The following DNAH8 variants were observed in gnomAD, a reference collection of about 807,000 sequenced individuals.
DNAH8 encodes the protein dynein axonemal heavy chain 8.
In DNAH8, 382 loss-of-function variants were observed where a neutral mutation model predicts 562.1. The ratio of observed to expected loss-of-function variants is 0.68; its 90% CI spans 0.63 to 0.74. The LOEUF (loss-of-function observed/expected upper bound fraction) is 0.74, where lower values mean the gene tolerates loss of function less well. DNAH8 is among the 30% of genes least tolerant of loss of function. DNAH8 has a pLI of 0.00. For missense variants in DNAH8, 5,203 were observed against 5,620.4 expected, an observed-to-expected ratio of 0.93 and a Z score of 2.37; for synonymous variants, 1,881 against 1,919.4, an observed-to-expected ratio of 0.98 and a Z score of 0.52.
chr6:38,985,683 C>G (rs1764337121), intron 87 of DNAH8, among the ~76,000 whole-genome samples: 1 of 152,126 alleles, frequency 6.6e-6, no homozygotes, highest in South Asian at 2.1e-4. Flanking sequence ...TAGAAAGAGT[C>G]CACAAATGGA....
chr6:38,722,564 A>G (rs1762836386), intron 1 of DNAH8, among the ~76,000 whole-genome samples: 1 of 144,454 alleles, frequency 6.9e-6, no homozygotes. Context: ...AAGTCTGAAA[A>G]AGCTCCCAGG....
intron 1 of DNAH8, among the ~76,000 whole-genome samples, 169 bp downstream of exon 1, chr6:38,715,584 C>G (rs889240460): frequency 1.3e-5 from 2 of 152,188 alleles, no homozygotes; most frequent in Admixed American, 1.3e-4. Context: ...CTTCAAAACC[C>G]CAGCTGAGTC....
At chr6:38,795,253 T>C (rs1223091397) in intron 21 of DNAH8, among the ~76,000 whole-genome samples, 1 of 152,200 alleles carries the variant, frequency 6.6e-6, no homozygotes, top group Non-Finnish European at 1.5e-5. Context: ...CTACCAATTA[T>C]ACAGTAATTC....
chr6:38,887,467 A>T (rs1030906063), intron 57 of DNAH8, among the ~76,000 whole-genome samples: 1 of 152,222 alleles, frequency 6.6e-6, no homozygotes. Context: ...AGCACTTTGG[A>T]AGACCAAGGT....
chr6:38,842,637 AT>A (rs755719553), intron 34 of DNAH8, 25 bp from the exon 35 acceptor site: 15 of 1,602,496 alleles, frequency 9.4e-6, no homozygotes, highest in African/African-American at 4.0e-5. Flanking sequence ...AAGGTGGCAT[AT>A]TTTTTTTCTC....
intron 63 of DNAH8, 121 bp downstream of exon 63, chr6:38,906,528 T>A: frequency 1.3e-6 from 1 of 776,908 alleles, no homozygotes; most frequent in Non-Finnish European, 1.9e-6. Flanking sequence ...TAGACATGGT[T>A]AATGTACGAG....
intron 79 of DNAH8, among the ~76,000 whole-genome samples, chr6:38,942,362 C>T (rs1783532995): frequency 6.6e-6 from 1 of 152,042 alleles, no homozygotes; most frequent in Non-Finnish European, 1.5e-5. Flanking sequence ...AAACCTGGTG[C>T]CTGGGTCCAC....
chr6:38,791,443 A>G, intron 20 of DNAH8, 112 bp from the exon 21 acceptor site: 1 of 1,289,870 alleles, frequency 7.8e-7, no homozygotes, highest in Non-Finnish European at 1.0e-6. Context: ...TCAAGATGCA[A>G]GTTTCTAGAC....
At position 38,786,945 on chromosome 6, in the gene DNAH8, A is replaced by G; in HGVS notation, c.2576A>G (p.Tyr859Cys). 1 of 1,600,026 alleles carries G rather than the reference A, an allele frequency of 6.2e-7. No individual in the cohort carries two copies. The highest frequency in any genetic ancestry group is 1.8e-5 in the Admixed American group (1 of 56,872). ...LESKLKADKL[Y>C]LQGLLQYYDE... is the part of the protein sequence containing the mutation. The stretch of plus-strand genomic sequence containing the variant: ...AGTAAATTGAAAGCAGACAAACTGT[A>G]TTTGCAGGTAAGATAGATTATGTTT... The change falls in exon 18 of 93, where the codon TAT becomes TGT. Residue 859 changes from tyrosine to cysteine, a missense_variant. Around this residue, in one of 6 missense-constraint regions of DNAH8, gnomAD observed 2,176 missense variants for 2,365.1 expected, o/e 0.92. Transcript: ENST00000327475.
Position 38,853,209 on chromosome 6 carries a change from AGG to A in DNAH8, c.5596_5597del (p.Gly1866SerfsTer19). The A allele has an allele frequency of 6.2e-7, 1 of 1,609,688 alleles. No individual in the cohort carries two copies. The highest frequency in any genetic ancestry group is 8.5e-7 in the Non-Finnish European group (1 of 1,178,718). ...AGTTGGATAATTCTGTTATGGCCAA[AGG>A]TCCTGTGGAGATTTGGCTACTGGAT... ...IVLDNSVMAK[G>X]PVEIWLLDLL... On this transcript the variant is annotated frameshift_variant, in exon 41 of 93. Coordinates refer to ENST00000327475, the MANE Select transcript of DNAH8 (RefSeq NM_001206927.2). LOFTEE classifies it high-confidence loss of function.
chr6:38,873,708 A>T (rs1777650186), intron 52 of DNAH8, among the ~76,000 whole-genome samples: 1 of 148,190 alleles, frequency 6.7e-6, no homozygotes, highest in Admixed American at 6.8e-5. Flanking sequence ...TAAAATAAAT[A>T]AAAAATAACA....
intron 62 of DNAH8, among the ~76,000 whole-genome samples, chr6:38,903,521 G>A (rs1270077039): frequency 6.6e-6 from 1 of 151,866 alleles, no homozygotes; most frequent in Non-Finnish European, 1.5e-5. Context: ...AACATTGGTG[G>A]TTACATTTCA....
At chr6:38,938,571 C>T (rs1351356872) in intron 78 of DNAH8, among the ~76,000 whole-genome samples, 1 of 152,070 alleles carries the variant, frequency 6.6e-6, no homozygotes, top group Non-Finnish European at 1.5e-5. Flanking sequence ...AGGAGAACAA[C>T]AGACACTGTG....
At chr6:38,740,796 GT>G (rs1166083838) in intron 7 of DNAH8, among the ~76,000 whole-genome samples, 1 of 151,994 alleles carries the variant, frequency 6.6e-6, no homozygotes, top group Admixed American at 6.6e-5. Flanking sequence ...AAAAATTTCT[GT>G]GGAGAAGGGG....
chr6:38,789,786 A>G lies in DNAH8; in HGVS notation c.2584-17A>G, dbSNP rs768222523. The G allele has an allele frequency of 3.8e-6, 6 of 1,573,326 alleles. No individual in the cohort carries two copies. Among genetic ancestry groups the G allele is most frequent in the South Asian group, 2.3e-5 (2 of 86,340 alleles). ...AAAATGAATTAAAATAAAACATGCC[A>G]TTTCAACTTCCTACAGGGTCTTCTG... is the stretch of plus-strand genomic sequence containing the variant. On this transcript the variant is annotated splice_polypyrimidine_tract_variant and intron_variant, in intron 18 of 92. Transcript: ENST00000327475.
intron 61 of DNAH8, 114 bp from the exon 62 acceptor site, chr6:38,899,662 A>G (rs1561836422): frequency 8.5e-7 from 1 of 1,178,354 alleles, no homozygotes; most frequent in Non-Finnish European, 1.2e-6. Flanking sequence ...ATTAACGAGG[A>G]AAAAGTCTAA....
chr6:38,734,160 G>A lies in DNAH8; in HGVS notation c.611-314G>A, dbSNP rs575619061. Among the ~76,000 whole-genome samples, 46 of 151,540 alleles carry A rather than the reference G, an allele frequency of 3.0e-4. 1 individual carries two copies. The highest frequency in any genetic ancestry group is 3.2e-3 in the Middle Eastern group (1 of 312). On this transcript the variant is annotated intron_variant, in intron 4 of 92. Transcript: ENST00000327475. ...AAATTAGCTGGATGTGGTGGCACAC[G>A]CATGTAGTCCCAGCTACTTGGGAGG... is the stretch of plus-strand genomic sequence containing the variant.
intron 10 of DNAH8, among the ~76,000 whole-genome samples, chr6:38,758,862 C>A (rs1429299947): frequency 3.3e-5 from 5 of 152,194 alleles, no homozygotes; most frequent in Admixed American, 1.3e-4. Flanking sequence ...ACCAGCCTTG[C>A]ATCCCAGGGA....
chr6:38,909,726 G>A lies in DNAH8; in HGVS notation c.9722G>A (p.Cys3241Tyr). The change falls in exon 65 of 93, where the codon TGT becomes TAT. Residue 3241 changes from cysteine to tyrosine, a missense_variant. Cys to Tyr is a radical substitution (Grantham distance 194). Coordinates refer to ENST00000327475, the MANE Select transcript of DNAH8 (RefSeq NM_001206927.2). ...TTTCATGACATGGTTTCAGAGAGCT[G>A]TGAAAGTTATTTCCAAAGGTAAGTG... is the stretch of plus-strand genomic sequence containing the variant. The part of the protein sequence containing the change: ...GLFHDMVSES[C>Y]ESYFQRYRRR... The A allele has an allele frequency of 6.2e-7, 1 of 1,613,942 alleles. No homozygotes were observed. The highest frequency in any genetic ancestry group is 8.5e-7 in the Non-Finnish European group (1 of 1,179,858).
Sources: allele counts gnomAD v4.1 joint callset (sites outside exome capture counted in the v4.1 genomes callset), GRCh38; gene constraint gnomAD v4.1.1; regional missense constraint gnomAD v4.1.1; transcripts MANE v1.5; gene names NCBI Gene and HGNC (gene_info 2026-07-23, HGNC 2026-07-21).